Variants in WWOX observed in about 807,000 individuals in gnomAD.
The protein encoded by WWOX is WW domain-containing oxidoreductase.
A neutral mutation model predicts 46.2 loss-of-function variants in WWOX; 69 were observed. The ratio of observed to expected loss-of-function variants is 1.49; its 90% confidence interval spans 1.23 to 1.82. WWOX has a LOEUF of 1.82. Among genes scored for constraint, WWOX ranks in the 40% most tolerant of loss-of-function variants. WWOX has a pLI of 0.00. For missense variants in WWOX, 919 were observed against 542.6 expected, an observed-to-expected ratio of 1.69 and a Z score of -6.89; for synonymous variants, 359 against 202.6, an observed-to-expected ratio of 1.77 and a Z score of -6.56.
chr16:78,842,110 G>A (rs1411409649), intron 8 of WWOX, among the ~76,000 whole-genome samples: 1 of 152,128 alleles, frequency 6.6e-6, no homozygotes, highest in Non-Finnish European at 1.5e-5. Context: ...ACTGAGATTA[G>A]AGAGATCAGC....
chr16:78,679,117 G>A (rs1282556999), intron 8 of WWOX, among the ~76,000 whole-genome samples: 1 of 152,206 alleles, frequency 6.6e-6, no homozygotes, highest in South Asian at 2.1e-4. Flanking sequence ...GGAGACACCA[G>A]CGTCTTGGAC....
At chr16:78,800,284 C>G (rs114191260) in intron 8 of WWOX, among the ~76,000 whole-genome samples, 1 of 151,400 alleles carries the variant, frequency 6.6e-6, no homozygotes, top group Non-Finnish European at 1.5e-5. Flanking sequence ...CACAGTATTT[C>G]AGACAAATGC....
Position 78,746,212 on chromosome 16 carries a change from A to G in WWOX, c.1056+313460A>G, listed in dbSNP as rs1158345712. 3.3e-5 allele frequency among the ~76,000 whole-genome samples: 5 copies of G among 152,222 alleles called. No individual in the cohort carries two copies. In the South Asian group the frequency reaches 6.2e-4, roughly 19 times the overall value. On this transcript the variant is annotated intron_variant, in intron 8 of 8. Transcript: ENST00000566780. ...CTGACGTAGTTGGGTCTAAAGTACA[A>G]CAGGACTGAGCATGGTGGCTCACAC...
intron 8 of WWOX, among the ~76,000 whole-genome samples, chr16:78,812,519 C>T (rs1435719329): frequency 1.3e-5 from 2 of 151,910 alleles, no homozygotes; most frequent in African/African-American, 2.4e-5. Context: ...GTCAGGAGTT[C>T]GAGACCAGCC....
intron 8 of WWOX, among the ~76,000 whole-genome samples, chr16:78,794,035 C>T (rs751475322): frequency 2.6e-5 from 4 of 152,166 alleles, no homozygotes; most frequent in Non-Finnish European, 5.9e-5. Flanking sequence ...AGATTCAAAT[C>T]CTGCTGTGGT....
chr16:78,655,138 G>T (rs886298003), intron 8 of WWOX, among the ~76,000 whole-genome samples: 2 of 152,038 alleles, frequency 1.3e-5, no homozygotes, highest in African/African-American at 4.8e-5. Context: ...GCTCAAACTA[G>T]CTTCGGGGAC....
chr16:78,598,938 A>G (rs921293494), intron 8 of WWOX, among the ~76,000 whole-genome samples: 8 of 152,194 alleles, frequency 5.3e-5, no homozygotes, highest in Non-Finnish European at 1.0e-4. Context: ...CAACAGGGAA[A>G]CTGAAGCACA....
intron 8 of WWOX, among the ~76,000 whole-genome samples, chr16:78,977,709 G>T (rs971928805): frequency 2.0e-5 from 3 of 152,080 alleles, no homozygotes; most frequent in Admixed American, 1.3e-4. Context: ...CATCAGCAGG[G>T]GCAGGGGGTG....
At chr16:78,934,090 C>G (rs1212548386) in intron 8 of WWOX, among the ~76,000 whole-genome samples, 5 of 151,860 alleles carry the variant, frequency 3.3e-5, no homozygotes, top group Non-Finnish European at 5.9e-5. Flanking sequence ...AATCCCAGCA[C>G]TTTCGGAGGC....
intron 8 of WWOX, among the ~76,000 whole-genome samples, chr16:78,803,373 C>G (rs574404597): frequency 6.6e-6 from 1 of 151,976 alleles, no homozygotes. Context: ...ATTTATTTCT[C>G]CAGCTCATGC....
chr16:78,786,281 G>C (rs140510031), intron 8 of WWOX, among the ~76,000 whole-genome samples: 11 of 152,312 alleles, frequency 7.2e-5, no homozygotes, highest in East Asian at 5.8e-4. Flanking sequence ...ACCTGGATTT[G>C]TAGCGAATGT....
At position 78,358,866 on chromosome 16, in the gene WWOX, C is replaced by CTTTTTTT. The variant is rs57364873; in HGVS notation, c.517-27982_517-27976dup. On this transcript the variant is annotated intron_variant, in intron 5 of 8. Transcript: ENST00000566780. ...CATAAAGTTGAAATCACACTGTGGT[C>CTTTTTTT]TTTTTTTTTTTTTTTTTTAACCAGA... Among the ~76,000 whole-genome samples, 351 of 120,856 alleles carry CTTTTTTT rather than the reference C, an allele frequency of 2.9e-3. 11 individuals carry two copies. The highest frequency in any genetic ancestry group is 9.3e-3 in the African/African-American group (301 of 32,256). The allele number at this position is 120,856 out of a possible 152,430, so 79.3% of individuals were successfully genotyped here. A position where few individuals can be genotyped will look rare whatever the true frequency, so the allele number is the denominator to read the frequency against.
intron 8 of WWOX, among the ~76,000 whole-genome samples, chr16:79,171,212 G>A (rs2050693556): frequency 1.3e-5 from 2 of 152,154 alleles, no homozygotes; most frequent in Admixed American, 6.5e-5. Context: ...GGACACCCGG[G>A]GAAAATGTAG....
intron 8 of WWOX, among the ~76,000 whole-genome samples, chr16:78,605,491 C>G (rs1449006845): frequency 3.3e-5 from 5 of 151,858 alleles, no homozygotes; most frequent in African/African-American, 1.2e-4. Context: ...TTCCCTTGGC[C>G]CTTGTCAAAA....
intron 8 of WWOX, among the ~76,000 whole-genome samples, chr16:79,146,638 C>T (rs1024956920): frequency 2.0e-5 from 3 of 152,110 alleles, no homozygotes; most frequent in Non-Finnish European, 4.4e-5. Context: ...AGAATGCAGC[C>T]AGTACCCTGA....
At chr16:79,183,144 G>C (rs1046914060) in intron 8 of WWOX, among the ~76,000 whole-genome samples, 1 of 152,240 alleles carries the variant, frequency 6.6e-6, no homozygotes, top group Non-Finnish European at 1.5e-5. Context: ...CCCAAGCCGA[G>C]GGGAGAAGGC....
intron 8 of WWOX, among the ~76,000 whole-genome samples, chr16:78,724,202 T>A (rs913005509): frequency 6.6e-6 from 1 of 152,168 alleles, no homozygotes; most frequent in Non-Finnish European, 1.5e-5. Context: ...TGTAATTAAA[T>A]CTTTAGTGAG....
intron 8 of WWOX, among the ~76,000 whole-genome samples, chr16:78,984,157 C>A (rs1378291653): frequency 2.6e-5 from 4 of 152,118 alleles, no homozygotes; most frequent in South Asian, 2.1e-4. Context: ...GCATTACAGG[C>A]ATGAGCCATC....
chr16:79,009,563 G>T (rs533564936), intron 8 of WWOX, among the ~76,000 whole-genome samples: 39 of 152,074 alleles, frequency 2.6e-4, no homozygotes, highest in Admixed American at 6.6e-5. Flanking sequence ...TGCCTCCTGG[G>T]TTCAAGCGAT....
Sources: allele counts gnomAD v4.1 joint callset (sites outside exome capture counted in the v4.1 genomes callset), GRCh38; gene constraint gnomAD v4.1.1; transcripts MANE v1.5; gene names NCBI Gene and HGNC (gene_info 2026-07-23, HGNC 2026-07-21).